RORA: variants seen among roughly 807,000 people sequenced by gnomAD.
RORA encodes the protein nuclear receptor ROR-alpha.
A neutral mutation model predicts 69.5 loss-of-function variants in RORA; 7 were observed. The observed-to-expected ratio is 0.10, with a 90% confidence interval of 0.06 to 0.19. The LOEUF is 0.19. Ranked by LOEUF, RORA falls within the 10% of genes least tolerant of loss-of-function variation. The probability of loss-of-function intolerance (pLI) is 1.00; values close to 1 mark genes in which losing one functional copy is unlikely to be tolerated. For missense variants in RORA, 457 were observed against 663.0 expected (o/e 0.69, Z 3.41); for synonymous variants, 261 against 240.8 (o/e 1.08, Z -0.78).
At chr15:61,198,768 C>T (rs762107253) in intron 1 of RORA, among the ~76,000 whole-genome samples, 9 of 151,978 alleles carry the variant, frequency 5.9e-5, no homozygotes, top group Non-Finnish European at 1.3e-4. Context: ...ACTCAAAAAC[C>T]TCAGAGGGCT....
At chr15:60,803,707 A>C (rs534481729) in intron 1 of RORA, among the ~76,000 whole-genome samples, 1 of 151,940 alleles carries the variant, frequency 6.6e-6, no homozygotes, top group South Asian at 2.1e-4. Context: ...GCATTCTGTG[A>C]CTCTCTCTCA....
intron 1 of RORA, among the ~76,000 whole-genome samples, chr15:61,024,023 C>G (rs1365158420): frequency 6.6e-6 from 1 of 152,106 alleles, no homozygotes; most frequent in South Asian, 2.1e-4. Context: ...AATGCATGAA[C>G]GAGTGTTGGG....
chr15:60,920,559 C>T (rs1029365562), intron 1 of RORA, among the ~76,000 whole-genome samples: 1 of 152,164 alleles, frequency 6.6e-6, no homozygotes, highest in Non-Finnish European at 1.5e-5. Context: ...CTAGGAACAA[C>T]AGGCTGGGCA....
At chr15:60,730,497 G>A (rs1384076293) in intron 1 of RORA, among the ~76,000 whole-genome samples, 1 of 152,188 alleles carries the variant, frequency 6.6e-6, no homozygotes, top group African/African-American at 2.4e-5. Context: ...GCAGTAGTAT[G>A]TAGAATACAA....
intron 1 of RORA, among the ~76,000 whole-genome samples, chr15:60,845,540 G>C (rs2073254954): frequency 6.6e-6 from 1 of 152,152 alleles, no homozygotes; most frequent in African/African-American, 2.4e-5. Context: ...AGCTTTACAG[G>C]CTCTAAAACT....
intron 1 of RORA, among the ~76,000 whole-genome samples, chr15:60,846,645 G>A (rs1298579922): frequency 6.6e-6 from 1 of 152,178 alleles, no homozygotes; most frequent in Non-Finnish European, 1.5e-5. Context: ...TATCAAAAAT[G>A]GTCAAGCTGC....
chr15:60,883,159 AGAGAG>A (rs1567224673), intron 1 of RORA, among the ~76,000 whole-genome samples: 4 of 91,648 alleles, frequency 4.4e-5, no homozygotes, highest in Non-Finnish European at 6.9e-5. Flanking sequence ...AAAGAAAGAG[AGAGAG>A]AGAGAGAGAG....
chr15:60,600,268 C>CTAGGA (rs1278531813), intron 2 of RORA, among the ~76,000 whole-genome samples: 1 of 152,208 alleles, frequency 6.6e-6, no homozygotes, highest in Admixed American at 6.5e-5. Flanking sequence ...AATCTCGCAG[C>CTAGGA]TAGGAGCGTT....
chr15:60,499,791 CT>C (rs776890814), intron 10 of RORA, 100 bp downstream of exon 10: 3 of 652,844 alleles, frequency 4.6e-6, no homozygotes, highest in Non-Finnish European at 2.7e-6. Flanking sequence ...CCTTCTGATA[CT>C]TTTGGGAATT....
chr15:60,883,167 AG>A, intron 1 of RORA, among the ~76,000 whole-genome samples: 1 of 132,076 alleles, frequency 7.6e-6, no homozygotes, highest in Non-Finnish European at 1.6e-5. Context: ...AGAGAGAGAG[AG>A]AGAGAGAGAG....
intron 1 of RORA, among the ~76,000 whole-genome samples, chr15:61,109,268 G>C (rs1393733263): frequency 4.6e-5 from 7 of 152,188 alleles, no homozygotes; most frequent in Non-Finnish European, 1.0e-4. Context: ...ATGTGAGCAA[G>C]ATGTAAGATA....
intron 2 of RORA, among the ~76,000 whole-genome samples, chr15:60,542,354 A>G (rs1202906398): frequency 6.7e-6 from 1 of 150,220 alleles, no homozygotes; most frequent in Non-Finnish European, 1.5e-5. Context: ...CATACCACAC[A>G]TGCACACCGT....
At chr15:60,859,658 T>TC (rs1198900746) in intron 1 of RORA, among the ~76,000 whole-genome samples, 2 of 146,866 alleles carry the variant, frequency 1.4e-5, no homozygotes, top group East Asian at 2.0e-4. Flanking sequence ...TTTCTTTCTT[T>TC]TTTTTTTTTT....
chr15:61,212,760 TTTTC>T (rs1426780750), intron 1 of RORA, among the ~76,000 whole-genome samples: 2 of 152,292 alleles, frequency 1.3e-5, no homozygotes, highest in East Asian at 1.9e-4. Flanking sequence ...TGTGAGAGAC[TTTTC>T]TTTGTCATCG....
chr15:61,066,418 CTT>C (rs1168663714), intron 1 of RORA, among the ~76,000 whole-genome samples: 123 of 80,952 alleles, frequency 1.5e-3, no homozygotes, highest in Non-Finnish European at 2.5e-3. Context: ...GGGCATATTC[CTT>C]TTTTTTTTTT....
chr15:60,659,399 T>C (rs2070269873), intron 2 of RORA, among the ~76,000 whole-genome samples: 1 of 152,164 alleles, frequency 6.6e-6, no homozygotes, highest in Admixed American at 6.5e-5. Flanking sequence ...GTTAACCCTC[T>C]AGTCCATCCA....
intron 1 of RORA, among the ~76,000 whole-genome samples, chr15:61,141,907 AG>A (rs10719003): frequency 0.83 from 126,721 of 152,090 alleles, 53,270 homozygotes; most frequent in East Asian, 0.91. Flanking sequence ...TAGGTTCAGG[AG>A]GGGGAAAGAG....
intron 1 of RORA, among the ~76,000 whole-genome samples, chr15:60,957,958 CTTT>C (rs5813055): frequency 6.7e-6 from 1 of 150,160 alleles, no homozygotes; most frequent in South Asian, 2.1e-4. Flanking sequence ...ATTTCAGAGT[CTTT>C]TTTTTTTTCC....
At chr15:61,225,408 C>G (rs2080136907) in intron 1 of RORA, among the ~76,000 whole-genome samples, 1 of 152,128 alleles carries the variant, frequency 6.6e-6, no homozygotes, top group African/African-American at 2.4e-5. Context: ...TCAGCCAAAA[C>G]TGAAGGGGGC....
Sources: allele counts gnomAD v4.1 joint callset (sites outside exome capture counted in the v4.1 genomes callset), GRCh38; gene constraint gnomAD v4.1.1; transcripts MANE v1.5; gene names NCBI Gene and HGNC (gene_info 2026-07-23, HGNC 2026-07-21).